The following NAA11 variants were observed in gnomAD, a reference collection of about 807,000 sequenced individuals.
NAA11 encodes the protein N-alpha-acetyltransferase 11, NatA catalytic subunit, also known as N-alpha-acetyltransferase 11.
NAA11 carries 15 observed loss-of-function variants against 16.1 expected under a neutral mutation model. The ratio of observed to expected loss-of-function variants is 0.93; its 90% CI spans 0.62 to 1.44. NAA11 has a LOEUF of 1.44. NAA11 is among the 40% of genes most tolerant of loss of function. NAA11 has a pLI of 0.00. For missense variants in NAA11, 298 were observed against 291.3 expected, an observed-to-expected ratio of 1.02 and a Z score of -0.17; for synonymous variants, 122 against 112.4, an observed-to-expected ratio of 1.09 and a Z score of -0.54.
At chr4:79,233,191 C>T (rs1029626121) in intron 2 of NAA11, among the ~76,000 whole-genome samples, 2 of 151,804 alleles carry the variant, frequency 1.3e-5, no homozygotes, top group African/African-American at 4.8e-5. Flanking sequence ...TATCTCTGCC[C>T]CTTCTCTTGA....
intron 1 of NAA11, among the ~76,000 whole-genome samples, chr4:79,318,503 T>C (rs1351965103): frequency 6.6e-6 from 1 of 152,218 alleles, no homozygotes; most frequent in Admixed American, 6.5e-5. Flanking sequence ...ATCTATCATA[T>C]GCACACAGAA....
At chr4:79,222,444 T>C (rs1250741180), downstream of NAA11, among the ~76,000 whole-genome samples, 2 of 150,936 alleles carry the variant, frequency 1.3e-5, no homozygotes, top group Non-Finnish European at 3.0e-5. Context: ...TAGCCATATG[T>C]AGAAAGCTGA....
chr4:79,167,833 G>A, the NAA11 span, among the ~76,000 whole-genome samples: 1 of 151,878 alleles, frequency 6.6e-6, no homozygotes, highest in Admixed American at 6.6e-5. Context: ...GAGAGAGATG[G>A]GGAAGTGCTA....
downstream of NAA11, among the ~76,000 whole-genome samples, chr4:79,224,405 G>T (rs1214195781): frequency 6.6e-6 from 1 of 152,116 alleles, no homozygotes; most frequent in Admixed American, 6.6e-5. Context: ...GGTGTTCATA[G>T]TTTAGTGGCA....
At chr4:79,296,163 T>A (rs1440451328) in intron 1 of NAA11, among the ~76,000 whole-genome samples, 1 of 152,232 alleles carries the variant, frequency 6.6e-6, no homozygotes, top group African/African-American at 2.4e-5. Flanking sequence ...AATCCTGTAT[T>A]ATATGACAGA....
At chr4:79,315,704 C>T (rs1184460811), downstream of NAA11, among the ~76,000 whole-genome samples, 1 of 151,992 alleles carries the variant, frequency 6.6e-6, no homozygotes, top group Non-Finnish European at 1.5e-5. Flanking sequence ...AATCACTTTT[C>T]CTGTGTAAAA....
At chr4:79,163,085 A>G in the NAA11 span, among the ~76,000 whole-genome samples, 1 of 152,152 alleles carries the variant, frequency 6.6e-6, no homozygotes, top group African/African-American at 2.4e-5. Context: ...AGCCCCTCCT[A>G]TTTCCACCAT....
the NAA11 span, among the ~76,000 whole-genome samples, chr4:79,183,212 A>G: frequency 1.3e-5 from 2 of 152,142 alleles, no homozygotes; most frequent in Non-Finnish European, 2.9e-5. Context: ...GATGAATAAT[A>G]TAACTTCTAC....
chr4:79,202,598 G>T, the NAA11 span, among the ~76,000 whole-genome samples: 11 of 58,792 alleles, frequency 1.9e-4, no homozygotes, highest in Admixed American at 8.1e-4. Flanking sequence ...TATATATATA[G>T]TTTTATATAC....
chr4:79,221,153 A>G (rs370576583), downstream of NAA11, among the ~76,000 whole-genome samples: 1 of 151,836 alleles, frequency 6.6e-6, no homozygotes, highest in Non-Finnish European at 1.5e-5. Flanking sequence ...ATGGGAGTTC[A>G]CTCATGATGT....
the NAA11 span, among the ~76,000 whole-genome samples, chr4:79,206,848 A>C: frequency 2.0e-5 from 3 of 152,146 alleles, no homozygotes. Flanking sequence ...TGCAGAAAGT[A>C]AAAATAGCCT....
intron 2 of NAA11, among the ~76,000 whole-genome samples, chr4:79,283,995 T>C (rs1420378522): frequency 6.7e-6 from 1 of 148,622 alleles, no homozygotes; most frequent in Non-Finnish European, 1.5e-5. Flanking sequence ...AATGAATGAA[T>C]GAAGTGATTG....
At chr4:79,266,280 A>G (rs1258228881) in intron 2 of NAA11, among the ~76,000 whole-genome samples, 1 of 152,198 alleles carries the variant, frequency 6.6e-6, no homozygotes, top group African/African-American at 2.4e-5. Context: ...ACTCACACAG[A>G]GCAGTAGCTC....
the NAA11 span, among the ~76,000 whole-genome samples, chr4:79,157,573 A>G: frequency 2.5e-4 from 38 of 151,970 alleles, 1 homozygote; most frequent in South Asian, 4.1e-3. Flanking sequence ...ATGTATGTAT[A>G]TATACATATA....
intron 1 of NAA11, among the ~76,000 whole-genome samples, chr4:79,309,861 G>A (rs1352319485): frequency 1.3e-5 from 2 of 151,612 alleles, no homozygotes; most frequent in African/African-American, 2.4e-5. Context: ...GACTACAGGC[G>A]CCCGCCACCA....
the NAA11 span, among the ~76,000 whole-genome samples, chr4:79,209,449 G>T: frequency 6.6e-6 from 1 of 152,060 alleles, no homozygotes; most frequent in South Asian, 2.1e-4. Context: ...GCCATTAAAG[G>T]CTATTCAGTG....
intron 2 of NAA11, among the ~76,000 whole-genome samples, chr4:79,252,303 A>G (rs921337468): frequency 6.6e-6 from 1 of 152,144 alleles, no homozygotes; most frequent in African/African-American, 2.4e-5. Flanking sequence ...ATATCCATGT[A>G]ACAAAACTGC....
At chr4:79,278,443 GA>G (rs1722715557) in intron 2 of NAA11, among the ~76,000 whole-genome samples, 1 of 151,994 alleles carries the variant, frequency 6.6e-6, no homozygotes, top group Non-Finnish European at 1.5e-5. Context: ...TCCCTACTTT[GA>G]AAATTTTTCC....
At chr4:79,181,218 T>G in the NAA11 span, among the ~76,000 whole-genome samples, 1 of 150,268 alleles carries the variant, frequency 6.7e-6, no homozygotes, top group Admixed American at 6.6e-5. Context: ...ACCCTAGAAC[T>G]TAAAGTATTA....
Sources: gnomAD v4.1 joint callset for allele counts (sites outside exome capture counted in the v4.1 genomes callset) on GRCh38, gnomAD v4.1.1 for gene constraint, MANE v1.5 for transcripts, NCBI Gene and HGNC (gene_info 2026-07-23, HGNC 2026-07-21) for gene names.